PUDP: variants seen among roughly 807,000 people sequenced by gnomAD.
The protein encoded by PUDP is pseudouridine 5'-phosphatase, also known as pseudouridine-5'-phosphatase.
A neutral mutation model predicts 9.4 loss-of-function variants in PUDP; 8 were observed. That is an observed-to-expected ratio of 0.85 (90% CI 0.50 to 1.53). The LOEUF (loss-of-function observed/expected upper bound fraction) is 1.53. Among genes scored for constraint, PUDP ranks in the 40% most tolerant of loss-of-function variants. PUDP has a pLI of 0.00. For synonymous variants in PUDP, 99 were observed against 80.7 expected, an observed-to-expected ratio of 1.23 and a Z score of -1.22; for missense variants, 188 against 189.7, an observed-to-expected ratio of 0.99 and a Z score of 0.05.
At chrX:6,899,598 T>G (rs1242845537) in intron 3 of PUDP, among the ~76,000 whole-genome samples, 1 of 110,969 alleles carries the variant, frequency 9.0e-6, no homozygotes, top group Non-Finnish European at 1.9e-5. Flanking sequence ...AGATTGTTAT[T>G]GTAAGGATTT....
At chrX:7,072,365 T>A (rs1222772426) in intron 3 of PUDP, among the ~76,000 whole-genome samples, 4 of 112,452 alleles carry the variant, frequency 3.6e-5, no homozygotes, top group East Asian at 2.8e-4. Flanking sequence ...CTACTCTATC[T>A]GTTTATGCAG....
chrX:6,781,132 TAC>T (rs919889396), intron 3 of PUDP, among the ~76,000 whole-genome samples: 4 of 110,167 alleles, frequency 3.6e-5, no homozygotes, highest in Non-Finnish European at 7.6e-5. Flanking sequence ...TTGGCCAAGC[TAC>T]ACACACACAC....
chrX:6,889,146 C>T (rs1379278043), intron 3 of PUDP, among the ~76,000 whole-genome samples: 1 of 111,975 alleles, frequency 8.9e-6, no homozygotes, highest in Non-Finnish European at 1.9e-5. Flanking sequence ...TGGATGTAGA[C>T]GTGACTCTAA....
At chrX:7,077,572 C>G in intron 2 of PUDP, 123 bp from the exon 3 acceptor site, 1 of 518,238 alleles carries the variant, frequency 1.9e-6, no homozygotes, top group Middle Eastern at 4.1e-4. Context: ...TGAGGAATTT[C>G]TGACCTAGGA....
chrX:7,031,442 G>T (rs983090714), intron 1 of PUDP, among the ~76,000 whole-genome samples: 9 of 111,714 alleles, frequency 8.1e-5, no homozygotes, highest in Non-Finnish European at 1.5e-4. Context: ...ACGTAATGAT[G>T]ATTGTCCCTA....
At chrX:6,766,251 T>G (rs1239402731) in intron 3 of PUDP, among the ~76,000 whole-genome samples, 5 of 112,009 alleles carry the variant, frequency 4.5e-5, no homozygotes, top group African/African-American at 1.6e-4. Flanking sequence ...AGAAGTTCTT[T>G]ATATAGAGGA....
intron 3 of PUDP, among the ~76,000 whole-genome samples, chrX:6,802,450 C>G (rs987669202): frequency 7.2e-5 from 8 of 111,701 alleles, no homozygotes; most frequent in African/African-American, 2.6e-4. Flanking sequence ...GAAAATTGCT[C>G]CAGACTGCAT....
intron 1 of PUDP, among the ~76,000 whole-genome samples, chrX:6,993,479 G>C (rs918557910): frequency 3.6e-5 from 4 of 111,750 alleles, no homozygotes; most frequent in African/African-American, 1.3e-4. Flanking sequence ...ATATAGGAGA[G>C]GGTATTAAAG....
chrX:7,136,867 CTGAGTATCACTG>C (rs1177205019), intron 1 of PUDP, among the ~76,000 whole-genome samples: 1 of 109,270 alleles, frequency 9.2e-6, no homozygotes, highest in African/African-American at 3.5e-5. Flanking sequence ...TTAAGCCCTC[CTGAGTATCACTG>C]TATCACTTTG....
At chrX:7,124,731 G>A (rs1237319828) in intron 1 of PUDP, among the ~76,000 whole-genome samples, 2 of 111,142 alleles carry the variant, frequency 1.8e-5, no homozygotes. Flanking sequence ...TGGATCACGA[G>A]GTCAGGAGAT....
At chrX:7,093,142 A>G (rs1361350769) in intron 2 of PUDP, among the ~76,000 whole-genome samples, 1 of 111,570 alleles carries the variant, frequency 9.0e-6, no homozygotes, top group African/African-American at 3.3e-5. Context: ...CTCTGTCCCC[A>G]TTAAATGCTA....
At chrX:7,056,296 T>C (rs1443556801) in intron 3 of PUDP, among the ~76,000 whole-genome samples, 1 of 111,298 alleles carries the variant, frequency 9.0e-6, no homozygotes, top group Non-Finnish European at 1.9e-5. Context: ...ACGGCTCCCT[T>C]CTCTTTTCTA....
intron 3 of PUDP, among the ~76,000 whole-genome samples, chrX:6,858,322 CTT>C (rs370817442): frequency 3.4e-5 from 3 of 89,448 alleles, no homozygotes; most frequent in Admixed American, 2.6e-4. Flanking sequence ...TTTTTTCTTT[CTT>C]TTTTTTTTTT....
At chrX:7,041,384 T>G (rs1187467501) in intron 1 of PUDP, among the ~76,000 whole-genome samples, 1 of 111,706 alleles carries the variant, frequency 9.0e-6, no homozygotes, top group Non-Finnish European at 1.9e-5. Context: ...TTTGCAGGAC[T>G]GCACAAATTT....
chrX:7,126,225 G>A (rs913108223), intron 1 of PUDP, among the ~76,000 whole-genome samples: 1 of 111,275 alleles, frequency 9.0e-6, no homozygotes, highest in Admixed American at 9.5e-5. Context: ...ATTTTTGTGT[G>A]CTGGTGGGGG....
At chrX:6,923,695 G>C (rs1007440081) in intron 3 of PUDP, among the ~76,000 whole-genome samples, 7 of 111,099 alleles carry the variant, frequency 6.3e-5, no homozygotes, top group Non-Finnish European at 1.3e-4. Context: ...CTCCTGAGTG[G>C]TCTCTGTTTC....
chrX:6,928,781 C>G (rs1928144974), intron 3 of PUDP, among the ~76,000 whole-genome samples: 1 of 110,843 alleles, frequency 9.0e-6, no homozygotes, highest in Non-Finnish European at 1.9e-5. Context: ...GCCTCTGGTC[C>G]CAGCTACTAG....
intron 3 of PUDP, among the ~76,000 whole-genome samples, chrX:6,751,201 G>A (rs1925076002): frequency 9.0e-6 from 1 of 110,818 alleles, no homozygotes; most frequent in Admixed American, 9.6e-5. Context: ...AAGAAAGAAA[G>A]AAAAAGAAAA....
At chrX:6,727,353 G>C (rs1471038655) in intron 3 of PUDP, among the ~76,000 whole-genome samples, 3 of 111,881 alleles carry the variant, frequency 2.7e-5, no homozygotes, top group Non-Finnish European at 5.6e-5. Flanking sequence ...ATCCTATTAA[G>C]TTTTAAAATC....
Sources: allele counts gnomAD v4.1 joint callset (sites outside exome capture counted in the v4.1 genomes callset), GRCh38; gene constraint gnomAD v4.1.1; transcripts MANE v1.5; gene names NCBI Gene and HGNC (gene_info 2026-07-23, HGNC 2026-07-21).